The following PRKAR1A variants were observed in gnomAD, a reference collection of about 807,000 sequenced individuals.
PRKAR1A encodes the protein protein kinase cAMP-dependent type I regulatory subunit alpha.
Under a neutral mutation model 52.0 loss-of-function variants are expected in PRKAR1A, and 3 were observed. That is an observed-to-expected ratio of 0.06 (90% CI 0.03 to 0.15). The LOEUF (loss-of-function observed/expected upper bound fraction) is 0.15. Ranked by LOEUF, PRKAR1A falls within the 10% of genes least tolerant of loss-of-function variation. PRKAR1A has a pLI of 1.00. For missense variants in PRKAR1A, 240 were observed against 477.4 expected, an observed-to-expected ratio of 0.50 and a Z score of 4.63; for synonymous variants, 188 against 168.4, an observed-to-expected ratio of 1.12 and a Z score of -0.90.
At chr17:68,426,971 T>A in the PRKAR1A span, among the ~76,000 whole-genome samples, 1 of 151,674 alleles carries the variant, frequency 6.6e-6, no homozygotes, top group Admixed American at 6.6e-5. Flanking sequence ...AAATAAAAAA[T>A]TCAAGGAGAG....
At chr17:68,484,272 G>A in the PRKAR1A span, among the ~76,000 whole-genome samples, 1 of 152,182 alleles carries the variant, frequency 6.6e-6, no homozygotes, top group Admixed American at 6.5e-5. Flanking sequence ...GTAATGTGTT[G>A]TGGTGTCCAG....
In PRKAR1A at chr17:68,531,856, A is replaced by G. The variant is rs2085985141; in HGVS notation, c.*1407A>G. 2.9e-6 allele frequency: 3 copies of G among 1,036,442 alleles called. No individual in the cohort carries two copies. In the South Asian group the frequency reaches 1.4e-4, roughly 48 times the overall value. 64.2% of individuals were successfully genotyped at this position (1,036,442 alleles called of 1,614,324 possible). A position where few individuals can be genotyped will look rare whatever the true frequency, so the allele number is the denominator to read the frequency against. On this transcript the variant is annotated 3_prime_UTR_variant, in exon 11 of 11. Coordinates refer to ENST00000589228, the MANE Select transcript of PRKAR1A (RefSeq NM_002734.5). ...ACAAAATTTCACAGTTCTGTAATGT[A>G]GGCACTTTTATTTTCATTGTGATTT... is the stretch of plus-strand genomic sequence containing the variant.
chr17:68,481,060 A>G, the PRKAR1A span, among the ~76,000 whole-genome samples: 1 of 152,212 alleles, frequency 6.6e-6, no homozygotes. Context: ...AGTTATAGCA[A>G]CAGCTCACCC....
At chr17:68,478,916 C>T in the PRKAR1A span, among the ~76,000 whole-genome samples, 792 of 152,124 alleles carry the variant, frequency 5.2e-3, 8 homozygotes, top group South Asian at 0.021. Context: ...TTAGTAGAGA[C>T]GGGGTTTCAC....
chr17:68,515,297 C>T (rs2085394599), intron 1 of PRKAR1A, 97 bp from the exon 2 acceptor site: 3 of 1,398,026 alleles, frequency 2.1e-6, no homozygotes, highest in Non-Finnish European at 3.0e-6. Flanking sequence ...AAAAAAATCC[C>T]TGTGAATCAG....
At chr17:68,427,212 T>G in the PRKAR1A span, 1 of 1,614,168 alleles carries the variant, frequency 6.2e-7, no homozygotes, top group South Asian at 1.1e-5. Flanking sequence ...AGGTCTGAGG[T>G]CATTTTCTTT....
intron 11 of PRKAR1A, among the ~76,000 whole-genome samples, chr17:68,544,959 C>T (rs2086480128): frequency 1.3e-5 from 2 of 152,178 alleles, no homozygotes; most frequent in African/African-American, 4.8e-5. Context: ...CTTTGAGAAG[C>T]ACTAATGCAC....
At chr17:68,551,073 C>G in intron 11 of PRKAR1A, 1 of 1,234,334 alleles carries the variant, frequency 8.1e-7, no homozygotes, top group Non-Finnish European at 1.0e-6. Context: ...GGGCGATTTT[C>G]TTTTCTGCAG....
chr17:68,427,134 C>T, the PRKAR1A span: 1 of 1,613,570 alleles, frequency 6.2e-7, no homozygotes, highest in Non-Finnish European at 8.5e-7. Flanking sequence ...TGTCCACCCA[C>T]CTGGCACCGT....
chr17:68,537,777 A>G (rs761314241), downstream of PRKAR1A: 27 of 1,587,950 alleles, frequency 1.7e-5, no homozygotes, highest in East Asian at 6.2e-4. The surrounding 1 kb of genome is among the most constrained non-coding windows in gnomAD (Gnocchi z 4.2). Flanking sequence ...AAATAAGCAA[A>G]TGTAAAGAAA....
At chr17:68,511,587 T>C (rs2085265461), upstream of PRKAR1A, among the ~76,000 whole-genome samples, 1 of 152,220 alleles carries the variant, frequency 6.6e-6, no homozygotes, top group African/African-American at 2.4e-5. Context: ...AGGCCTCCTC[T>C]TGGACCCTGA....
At chr17:68,442,425 A>AC in the PRKAR1A span, among the ~76,000 whole-genome samples, 1 of 146,490 alleles carries the variant, frequency 6.8e-6, no homozygotes, top group African/African-American at 2.5e-5. Context: ...AGATTGCACC[A>AC]CCTCACTCCA....
Position 68,525,191 on chromosome 17 carries a change from C to T in PRKAR1A, c.549+233C>T, listed in dbSNP as rs151262170. Among the ~76,000 whole-genome samples the T allele has an allele frequency of 0.012, 1,879 of 151,306 alleles. 9 individuals carry two copies. The highest frequency in any genetic ancestry group is 0.031 in the Middle Eastern group (9 of 290). On this transcript the variant is annotated intron_variant, in intron 6 of 10. Coordinates refer to ENST00000589228, the MANE Select transcript of PRKAR1A (RefSeq NM_002734.5). ...AGTGTGTGTAGCTGGGTGCAGTGGC[C>T]GATGCCTATAATCCCAGCACTTTGG...
chr17:68,420,458 G>A, the PRKAR1A span: 18 of 1,607,816 alleles, frequency 1.1e-5, no homozygotes, highest in South Asian at 4.4e-5. Context: ...CTGTCAAGCC[G>A]CATAACAGAC....
the PRKAR1A span, among the ~76,000 whole-genome samples, chr17:68,447,984 C>CAAAAAAA: frequency 1.0e-4 from 8 of 80,230 alleles, no homozygotes; most frequent in African/African-American, 1.4e-4. Flanking sequence ...GACTCTATCT[C>CAAAAAAA]AAAAAAAAAA....
intron 2 of PRKAR1A, among the ~76,000 whole-genome samples, chr17:68,518,444 G>A (rs2085499275): frequency 6.6e-6 from 1 of 152,228 alleles, no homozygotes; most frequent in Non-Finnish European, 1.5e-5. Context: ...TGACTTCTGT[G>A]CACCCACAGG....
the PRKAR1A span, among the ~76,000 whole-genome samples, chr17:68,496,305 G>A: frequency 6.6e-6 from 1 of 151,518 alleles, no homozygotes; most frequent in Non-Finnish European, 1.5e-5. Flanking sequence ...GCCTCCCAAA[G>A]TGCTGGGATT....
At chr17:68,474,100 C>G in the PRKAR1A span, among the ~76,000 whole-genome samples, 36 of 152,240 alleles carry the variant, frequency 2.4e-4, no homozygotes, top group African/African-American at 7.9e-4. Context: ...ATCATTGATA[C>G]TGTTTTCATT....
chr17:68,525,092 A>G (rs529116446), intron 6 of PRKAR1A, 134 bp downstream of exon 6: 7 of 747,046 alleles, frequency 9.4e-6, no homozygotes, highest in East Asian at 2.5e-5. Flanking sequence ...CCTTTTGCCA[A>G]GTATTTTTAT....
Sources: gnomAD v4.1 joint callset for allele counts (sites outside exome capture counted in the v4.1 genomes callset) on GRCh38, gnomAD v4.1.1 for gene constraint, Gnocchi (gnomAD v3.1) non-coding constraint, MANE v1.5 for transcripts, NCBI Gene and HGNC (gene_info 2026-07-23, HGNC 2026-07-21) for gene names.